ACYP2: variants seen among roughly 807,000 people sequenced by gnomAD.
ACYP2 encodes the protein acylphosphatase 2, also known as acylphosphatase-2.
Under a neutral mutation model 11.2 loss-of-function variants are expected in ACYP2, and 12 were observed. The observed-to-expected ratio is 1.08, with a 90% confidence interval of 0.69 to 1.74. The LOEUF is 1.74. Ranked by LOEUF, ACYP2 falls within the 40% of genes most tolerant of loss-of-function variation. The pLI, the probability that ACYP2 is intolerant of heterozygous loss-of-function variation, is 0.00. For synonymous variants in ACYP2, 43 were observed against 32.2 expected (o/e 1.33, Z -1.13); for missense variants, 134 against 101.9 (o/e 1.31, Z -1.35).
chr2:54,202,024 A>G (rs1485804217), intron 6 of ACYP2, among the ~76,000 whole-genome samples: 1 of 144,500 alleles, frequency 6.9e-6, no homozygotes, highest in South Asian at 2.2e-4. Flanking sequence ...TTTTTCTTCT[A>G]AGTTTCTGCT....
chr2:54,256,048 A>G (rs1305427705), intron 6 of ACYP2: 2 of 1,613,798 alleles, frequency 1.2e-6, no homozygotes, highest in East Asian at 4.5e-5. Context: ...ATCTGCCATT[A>G]CCTCTGTCGC....
chr2:53,991,864 C>T (rs556667342), intron 2 of ACYP2, among the ~76,000 whole-genome samples: 3 of 151,892 alleles, frequency 2.0e-5, no homozygotes, highest in East Asian at 1.9e-4. Context: ...TTCACAAGTG[C>T]GCTCATAGGG....
At chr2:54,267,160 G>C (rs1371179024) in intron 6 of ACYP2, 1 of 807,268 alleles carries the variant, frequency 1.2e-6, no homozygotes, top group Non-Finnish European at 1.9e-6. Context: ...GTTATAATGA[G>C]CATGTATTAT....
intron 4 of ACYP2, chr2:54,115,623 C>T (rs761521099): frequency 1.2e-5 from 19 of 1,565,404 alleles, no homozygotes; most frequent in African/African-American, 1.4e-5. Context: ...CCATGTGTCC[C>T]CTCCCTCTCG....
chr2:54,153,188 G>A (rs1248619119), intron 6 of ACYP2, among the ~76,000 whole-genome samples: 1 of 151,954 alleles, frequency 6.6e-6, no homozygotes, highest in Non-Finnish European at 1.5e-5. Flanking sequence ...TCTTCTGCAT[G>A]TGGATGTCCA....
intron 4 of ACYP2, among the ~76,000 whole-genome samples, chr2:54,099,802 G>T (rs768020039): frequency 6.6e-6 from 1 of 152,058 alleles, no homozygotes; most frequent in Non-Finnish European, 1.5e-5. Context: ...TATATCCTTA[G>T]GATACGTATC....
At chr2:54,201,246 T>A (rs986005797) in intron 6 of ACYP2, among the ~76,000 whole-genome samples, 1 of 151,852 alleles carries the variant, frequency 6.6e-6, no homozygotes, top group Admixed American at 6.6e-5. Flanking sequence ...GCAGGGACCA[T>A]AGGCGCCCGC....
chr2:54,078,899 CAAT>C (rs952879423), intron 4 of ACYP2, among the ~76,000 whole-genome samples: 12 of 152,128 alleles, frequency 7.9e-5, no homozygotes, highest in African/African-American at 2.9e-4. Context: ...TGCCCGGCCT[CAAT>C]AAGCTTTTTA....
intron 4 of ACYP2, among the ~76,000 whole-genome samples, chr2:54,130,612 T>C (rs1452391206): frequency 1.3e-5 from 2 of 152,158 alleles, no homozygotes; most frequent in Non-Finnish European, 2.9e-5. Flanking sequence ...AGTTGAAAGA[T>C]TATGGTAACT....
intron 4 of ACYP2, among the ~76,000 whole-genome samples, chr2:54,097,122 G>A (rs368754152): frequency 3.3e-5 from 5 of 152,128 alleles, no homozygotes; most frequent in African/African-American, 9.7e-5. Context: ...CACCTCCTCC[G>A]AGTCTCTGTT....
intron 2 of ACYP2, among the ~76,000 whole-genome samples, chr2:53,981,616 T>G (rs1372137193): frequency 6.6e-6 from 1 of 151,768 alleles, no homozygotes; most frequent in Non-Finnish European, 1.5e-5. Flanking sequence ...GGGAGGGGGG[T>G]TGCAAAGGGA....
chr2:54,017,015 G>A (rs555519666), intron 2 of ACYP2, among the ~76,000 whole-genome samples: 4 of 148,400 alleles, frequency 2.7e-5, no homozygotes, highest in South Asian at 2.1e-4. Context: ...GTGAGCCTCC[G>A]CGCCCGGCCC....
At chr2:53,993,628 C>T (rs191238363) in intron 2 of ACYP2, among the ~76,000 whole-genome samples, 1 of 150,308 alleles carries the variant, frequency 6.7e-6, no homozygotes, top group Non-Finnish European at 1.5e-5. Flanking sequence ...ACCTGGGAGG[C>T]AGAGGATGCA....
chr2:54,156,753 C>T (rs1326893057), intron 6 of ACYP2, among the ~76,000 whole-genome samples: 1 of 151,930 alleles, frequency 6.6e-6, no homozygotes, highest in Non-Finnish European at 1.5e-5. Context: ...GCAACCTCCA[C>T]CTCCCGGGTT....
At chr2:54,292,709 C>T (rs1441253801) in intron 6 of ACYP2, among the ~76,000 whole-genome samples, 4 of 140,054 alleles carry the variant, frequency 2.9e-5, no homozygotes, top group East Asian at 2.1e-4. Flanking sequence ...CACACACACA[C>T]GTGTATGTAT....
intron 6 of ACYP2, among the ~76,000 whole-genome samples, chr2:54,272,908 C>G (rs532090267): frequency 6.6e-6 from 1 of 152,318 alleles, no homozygotes; most frequent in South Asian, 2.1e-4. Flanking sequence ...TTTCACATTT[C>G]AAATGTGGAA....
Position 54,128,728 on chromosome 2 carries a change from T to TA in ACYP2, c.278-6717dup, listed in dbSNP as rs910329540. Among the ~76,000 whole-genome samples, 80 of 152,026 alleles carry TA rather than the reference T, an allele frequency of 5.3e-4. 1 individual carries two copies. Among genetic ancestry groups the TA allele is most frequent in the African/African-American group, 1.7e-3 (71 of 41,462 alleles). ...TTTTTTTTCCTTTTCCCCCCTTTTT[T>TA]AAAAAAAATTCAGTTGGCACAAAGG... On this transcript the variant is annotated intron_variant, in intron 4 of 6. Transcript: ENST00000607452.
At chr2:54,272,902 A>G (rs963052426) in intron 6 of ACYP2, among the ~76,000 whole-genome samples, 2 of 152,232 alleles carry the variant, frequency 1.3e-5, no homozygotes, top group Admixed American at 6.5e-5. Flanking sequence ...TCACCATTTC[A>G]CATTTCAAAT....
At chr2:54,247,046 G>GC (rs1320775205) in intron 6 of ACYP2, among the ~76,000 whole-genome samples, 2 of 152,062 alleles carry the variant, frequency 1.3e-5, no homozygotes, top group African/African-American at 2.4e-5. Context: ...ACTATTCCCT[G>GC]CCCCAAAGTC....
Sources: allele counts gnomAD v4.1 joint callset (sites outside exome capture counted in the v4.1 genomes callset), GRCh38; gene constraint gnomAD v4.1.1; transcripts MANE v1.5; gene names NCBI Gene and HGNC (gene_info 2026-07-23, HGNC 2026-07-21).